Variants in LRMDA observed in about 807,000 individuals in gnomAD.
LRMDA encodes leucine rich melanocyte differentiation associated, also known as leucine-rich melanocyte differentiation-associated protein.
Under a neutral mutation model 29.8 loss-of-function variants are expected in LRMDA, and 18 were observed. The ratio of observed to expected loss-of-function variants is 0.60; its 90% CI spans 0.42 to 0.90. The LOEUF is 0.90. LRMDA is among the 40% of genes least tolerant of loss of function. The pLI, the probability that LRMDA is intolerant of heterozygous loss-of-function variation, is 0.00. For missense variants in LRMDA, 273 were observed against 273.9 expected (o/e 1.00, Z 0.02); for synonymous variants, 125 against 109.4 (o/e 1.14, Z -0.89).
chr10:75,575,683 T>C (rs191676911), intron 2 of LRMDA, among the ~76,000 whole-genome samples: 237 of 152,170 alleles, frequency 1.6e-3, no homozygotes, highest in African/African-American at 5.2e-3. Context: ...GTTTGTCTCA[T>C]TGGGACTGAT....
chr10:75,603,099 C>T (rs1322847762), intron 2 of LRMDA, among the ~76,000 whole-genome samples: 4 of 151,908 alleles, frequency 2.6e-5, no homozygotes, highest in African/African-American at 9.7e-5. Context: ...AAAGAGGGCC[C>T]TTATATCTTA....
At chr10:75,620,656 T>C (rs1287994410) in intron 2 of LRMDA, among the ~76,000 whole-genome samples, 2 of 152,214 alleles carry the variant, frequency 1.3e-5, no homozygotes, top group African/African-American at 4.8e-5. Flanking sequence ...ACTCCAATTT[T>C]GACTTGCTTT....
At chr10:75,612,276 C>G (rs946429086) in intron 2 of LRMDA, among the ~76,000 whole-genome samples, 1 of 152,162 alleles carries the variant, frequency 6.6e-6, no homozygotes, top group Non-Finnish European at 1.5e-5. Context: ...GTGCTCTGAA[C>G]CGTGCTGGGC....
chr10:75,488,175 G>C (rs192315458), intron 2 of LRMDA, among the ~76,000 whole-genome samples: 1 of 152,178 alleles, frequency 6.6e-6, no homozygotes, highest in African/African-American at 2.4e-5. Context: ...TCTCTCAGTG[G>C]AGGTTCTTAG....
At chr10:75,724,191 G>A (rs905356203) in intron 2 of LRMDA, among the ~76,000 whole-genome samples, 1 of 152,154 alleles carries the variant, frequency 6.6e-6, no homozygotes, top group Non-Finnish European at 1.5e-5. Flanking sequence ...ACTCTACTTG[G>A]TTGTGGAGTA....
intron 6 of LRMDA, among the ~76,000 whole-genome samples, chr10:76,441,057 C>G (rs1396969217): frequency 6.6e-6 from 1 of 152,098 alleles, no homozygotes; most frequent in Non-Finnish European, 1.5e-5. Flanking sequence ...GGTAAATCTT[C>G]CGCTTGCATT....
chr10:76,041,550 T>A (rs1377348600), intron 3 of LRMDA, among the ~76,000 whole-genome samples: 1 of 152,156 alleles, frequency 6.6e-6, no homozygotes, highest in Non-Finnish European at 1.5e-5. Flanking sequence ...GTTAAAATCA[T>A]CCCAGTGGTT....
rs891484053 is a variant in LRMDA at position 76,030,446 on chromosome 10, T to A, written c.132-5562T>A. 4.5e-4 allele frequency among the ~76,000 whole-genome samples: 68 copies of A among 152,156 alleles called. 1 individual carries two copies. The highest frequency in any genetic ancestry group is 2.0e-4 in the Admixed American group (3 of 15,282). On this transcript the variant is annotated intron_variant, in intron 2 of 6. Coordinates refer to ENST00000611255, the MANE Select transcript of LRMDA (RefSeq NM_001305581.2). ...GTCTTTATCCATACATTTAAGGATA[T>A]AAAAAAGAGTTTTATGGAAAAAAGA... is the stretch of plus-strand genomic sequence containing the variant.
chr10:75,964,377 T>C (rs1037148120), intron 2 of LRMDA, among the ~76,000 whole-genome samples: 1 of 152,236 alleles, frequency 6.6e-6, no homozygotes, highest in Non-Finnish European at 1.5e-5. Context: ...GATTTACTTA[T>C]TTTAAAACCT....
At chr10:76,013,760 T>C (rs1170199986) in intron 2 of LRMDA, among the ~76,000 whole-genome samples, 1 of 152,084 alleles carries the variant, frequency 6.6e-6, no homozygotes, top group African/African-American at 2.4e-5. Flanking sequence ...GTCACCACCC[T>C]ATTTTCTTTC....
At chr10:75,691,926 A>G (rs899804602) in intron 2 of LRMDA, among the ~76,000 whole-genome samples, 2 of 152,238 alleles carry the variant, frequency 1.3e-5, no homozygotes, top group East Asian at 1.9e-4. Context: ...AAATATGGCC[A>G]GGCACTGTGG....
intron 2 of LRMDA, among the ~76,000 whole-genome samples, chr10:75,564,424 G>C (rs1357616289): frequency 1.3e-5 from 2 of 152,186 alleles, no homozygotes; most frequent in Admixed American, 6.5e-5. Flanking sequence ...CAATTTTCCA[G>C]GTGCCGTCTT....
At chr10:76,327,329 G>A (rs1840848230) in intron 6 of LRMDA, among the ~76,000 whole-genome samples, 1 of 152,116 alleles carries the variant, frequency 6.6e-6, no homozygotes. Flanking sequence ...CTGACCTTGT[G>A]ATTCACCTGC....
intron 2 of LRMDA, among the ~76,000 whole-genome samples, chr10:75,645,696 T>C (rs1841511262): frequency 6.6e-6 from 1 of 152,066 alleles, no homozygotes; most frequent in Non-Finnish European, 1.5e-5. Flanking sequence ...CTTGGTGTCT[T>C]CTGGCAGGAG....
chr10:76,027,339 G>A (rs1848079080), intron 2 of LRMDA, among the ~76,000 whole-genome samples: 1 of 152,158 alleles, frequency 6.6e-6, no homozygotes, highest in Non-Finnish European at 1.5e-5. Flanking sequence ...TACATGTTAT[G>A]TATGTGGAAT....
intron 6 of LRMDA, among the ~76,000 whole-genome samples, chr10:76,549,918 A>G (rs1843473148): frequency 1.3e-5 from 2 of 152,232 alleles, no homozygotes; most frequent in South Asian, 2.1e-4. Context: ...TTTGTTGACT[A>G]AAGTTTAAGA....
chr10:76,537,193 A>T (rs1157182480), intron 6 of LRMDA, among the ~76,000 whole-genome samples: 1 of 152,164 alleles, frequency 6.6e-6, no homozygotes, highest in Admixed American at 6.5e-5. Context: ...TTCTAGGCTT[A>T]CTGTGTACAT....
intron 6 of LRMDA, among the ~76,000 whole-genome samples, chr10:76,470,051 A>G (rs564270108): frequency 6.6e-6 from 1 of 152,270 alleles, no homozygotes; most frequent in East Asian, 1.9e-4. Flanking sequence ...GTGCTGGAAA[A>G]AAAATAAAAA....
intron 6 of LRMDA, among the ~76,000 whole-genome samples, chr10:76,491,338 T>G (rs1842831795): frequency 6.6e-6 from 1 of 152,034 alleles, no homozygotes; most frequent in South Asian, 2.1e-4. Context: ...AAGAACTGCT[T>G]TTAGCATTTC....
Sources: allele counts gnomAD v4.1 joint callset (sites outside exome capture counted in the v4.1 genomes callset), GRCh38; gene constraint gnomAD v4.1.1; transcripts MANE v1.5; gene names NCBI Gene and HGNC (gene_info 2026-07-23, HGNC 2026-07-21).